Variants in AFTPH observed in about 807,000 individuals in gnomAD.
AFTPH encodes aftiphilin protein.
A neutral mutation model predicts 72.5 loss-of-function variants in AFTPH; 7 were observed. That is an observed-to-expected ratio of 0.10 (90% confidence interval 0.05 to 0.18). The LOEUF is 0.18. Among genes scored for constraint, AFTPH ranks in the 10% least tolerant of loss-of-function variants. The probability of loss-of-function intolerance (pLI) is 1.00; values close to 1 mark genes in which losing one functional copy is unlikely to be tolerated. For synonymous variants in AFTPH, 337 were observed against 370.1 expected (o/e 0.91, Z 1.03); for missense variants, 979 against 1,060.5 (o/e 0.92, Z 1.07).
exon 2 of AFTPH, chr2:64,551,817 A>G (rs761807820): frequency 6.2e-7 from 1 of 1,613,486 alleles, no homozygotes; most frequent in South Asian, 1.1e-5. Context: ...CAGCAAAGAA[A>G]TAATTTCATC....
At chr2:64,584,121 C>T (rs537483048) in intron 7 of AFTPH, among the ~76,000 whole-genome samples, 9 of 151,968 alleles carry the variant, frequency 5.9e-5, no homozygotes, top group East Asian at 5.8e-4. Flanking sequence ...TGTTAACGCC[C>T]GGCAACTCAT....
intron 6 of AFTPH, chr2:64,579,058 C>CTTATTAGCCCATAA (rs1183668462): frequency 4.6e-5 from 7 of 153,618 alleles, no homozygotes; most frequent in Non-Finnish European, 8.6e-5. Flanking sequence ...TTAAAAATGT[C>CTTATTAGCCCATAA]TTATTAGCCC....
chr2:64,546,169 A>G (rs1444326913), intron 1 of AFTPH, among the ~76,000 whole-genome samples: 1 of 150,684 alleles, frequency 6.6e-6, no homozygotes, highest in Non-Finnish European at 1.5e-5. Flanking sequence ...CTGGGATTAC[A>G]GGCGTGAGCC....
At chr2:64,580,680 TC>T (rs1673136544) in intron 7 of AFTPH, 1 of 152,776 alleles carries the variant, frequency 6.5e-6, no homozygotes, top group African/African-American at 2.4e-5. Context: ...GTTATGACAT[TC>T]TTTATTATGT....
intron 6 of AFTPH, among the ~76,000 whole-genome samples, chr2:64,575,747 A>T (rs57280736): frequency 0.048 from 5,222 of 109,694 alleles, 346 homozygotes; most frequent in African/African-American, 0.15. Flanking sequence ...GTGTGTATAT[A>T]TTTTTTTTGG....
intron 1 of AFTPH, among the ~76,000 whole-genome samples, chr2:64,527,005 A>G (rs1669310168): frequency 6.6e-6 from 1 of 152,206 alleles, no homozygotes; most frequent in Non-Finnish European, 1.5e-5. Flanking sequence ...AAACTATACT[A>G]TGTATTGTCT....
At chr2:64,583,240 G>A (rs1000714403) in intron 7 of AFTPH, among the ~76,000 whole-genome samples, 5 of 150,528 alleles carry the variant, frequency 3.3e-5, no homozygotes, top group African/African-American at 1.2e-4. Flanking sequence ...TTGTGTGTGA[G>A]ACTTAGGAGG....
chr2:64,524,358 C>CG lies in AFTPH; in HGVS notation c.-281dup, dbSNP rs1213717887. ...ATGATGGGAGAGTGTGTGGAGTGGG[C>CG]GGGGGGTCTCCGCGGAGGAGGTGGA... On this transcript the variant is annotated 5_prime_UTR_variant, in exon 1 of 9. The change creates a premature stop within an existing upstream ORF in the 5' untranslated region. Coordinates refer to ENST00000238856, the Ensembl canonical transcript of AFTPH. 8.0e-5 allele frequency: 32 copies of CG among 401,648 alleles called. No homozygotes were observed. Among genetic ancestry groups the CG allele is most frequent in the East Asian group, 1.8e-4 (5 of 28,152 alleles). 24.9% of individuals were successfully genotyped at this position (401,648 alleles called of 1,614,324 possible). A position where few individuals can be genotyped will look rare whatever the true frequency, so the allele number is the denominator to read the frequency against.
chr2:64,547,274 C>A, intron 1 of AFTPH, among the ~76,000 whole-genome samples: 1 of 152,200 alleles, frequency 6.6e-6, no homozygotes, highest in Non-Finnish European at 1.5e-5. Context: ...CCTTGACTTT[C>A]ATGAGCTTGA....
intron 2 of AFTPH, among the ~76,000 whole-genome samples, chr2:64,566,717 G>C (rs1672112638): frequency 6.6e-6 from 1 of 151,830 alleles, no homozygotes; most frequent in South Asian, 2.1e-4. Flanking sequence ...AGTAAACCTA[G>C]TGGTACCAAA....
At chr2:64,566,530 T>C (rs557170090) in intron 2 of AFTPH, among the ~76,000 whole-genome samples, 239 of 152,348 alleles carry the variant, frequency 1.6e-3, no homozygotes, top group African/African-American at 5.6e-3. Flanking sequence ...ATTTTGCTTT[T>C]ACAGTCTGTG....
At chr2:64,576,932 T>C (rs1197304950) in intron 6 of AFTPH, among the ~76,000 whole-genome samples, 2 of 152,138 alleles carry the variant, frequency 1.3e-5, no homozygotes. Flanking sequence ...CTAATTTTTA[T>C]ATTTTTAGTA....
chr2:64,551,776 A>G, exon 2 of AFTPH: 1 of 1,613,734 alleles, frequency 6.2e-7, no homozygotes, highest in Non-Finnish European at 8.5e-7. Context: ...GCTCCTGTGA[A>G]AGGACAGTCT....
intron 2 of AFTPH, among the ~76,000 whole-genome samples, chr2:64,553,752 C>G (rs1245114195): frequency 2.7e-5 from 4 of 146,654 alleles, no homozygotes; most frequent in Admixed American, 2.7e-4. Flanking sequence ...CGGTTCCAGT[C>G]AATCCTTCAG....
intron 7 of AFTPH, among the ~76,000 whole-genome samples, chr2:64,581,489 G>A (rs1673194301): frequency 6.6e-6 from 1 of 152,034 alleles, no homozygotes; most frequent in Non-Finnish European, 1.5e-5. Context: ...GCTGAAAGTA[G>A]TTTCTAGGAA....
intron 1 of AFTPH, among the ~76,000 whole-genome samples, chr2:64,545,570 T>TTAAAAAAA (rs1670535024): frequency 8.3e-5 from 2 of 24,198 alleles, no homozygotes; most frequent in South Asian, 4.8e-3. Context: ...CCACCAGCAG[T>TTAAAAAAA]AAAAAAAAAA....
At chr2:64,592,182 A>AT in exon 9 of AFTPH, 1 of 670,890 alleles carries the variant, frequency 1.5e-6, no homozygotes, top group Non-Finnish European at 2.3e-6. Flanking sequence ...AAAGGTATAC[A>AT]TAGTAATGTA....
At chr2:64,552,864 T>C (rs1438112021) in exon 2 of AFTPH, 1 of 1,614,020 alleles carries the variant, frequency 6.2e-7, no homozygotes, top group Non-Finnish European at 8.5e-7. Context: ...TTTTGAAGAG[T>C]CTTCAGAGCA....
At chr2:64,589,622 A>G (rs1673701565) in intron 8 of AFTPH, among the ~76,000 whole-genome samples, 1 of 152,160 alleles carries the variant, frequency 6.6e-6, no homozygotes, top group Admixed American at 6.5e-5. Context: ...ATAATTTCAT[A>G]TTGCCTCTGA....
Sources: gnomAD v4.1 joint callset for allele counts (sites outside exome capture counted in the v4.1 genomes callset) on GRCh38, gnomAD v4.1.1 for gene constraint, MANE v1.5 for transcripts, NCBI Gene and HGNC (gene_info 2026-07-23, HGNC 2026-07-21) for gene names.